The following PTPRD variants were observed in gnomAD, a reference collection of about 807,000 sequenced individuals.
The protein encoded by PTPRD is receptor-type tyrosine-protein phosphatase delta.
PTPRD carries 34 observed loss-of-function variants against 214.5 expected under a neutral mutation model. The observed-to-expected ratio is 0.16, with a 90% CI of 0.12 to 0.21. PTPRD has a LOEUF of 0.21. Ranked by LOEUF, PTPRD falls within the 10% of genes least tolerant of loss-of-function variation. The pLI is 1.00. For synonymous variants in PTPRD, 1,128 were observed against 845.7 expected (o/e 1.33, Z -5.79); for missense variants, 2,545 against 2,398.7 (o/e 1.06, Z -1.27).
chr9:9,563,633 G>A (rs2083528704), intron 8 of PTPRD, among the ~76,000 whole-genome samples: 1 of 152,022 alleles, frequency 6.6e-6, no homozygotes, highest in Non-Finnish European at 1.5e-5. Context: ...TTTATCCTTG[G>A]CTTTTATGCC....
rs189234775 is a variant in PTPRD, at chr9:8,977,112, G to A, written c.-104+41585C>T. Among the ~76,000 whole-genome samples, 49 of 152,150 alleles carry A rather than the reference G, an allele frequency of 3.2e-4. No individual in the cohort carries two copies. In the East Asian group the frequency reaches 8.5e-3, roughly 26 times the overall value. ...CAATGATCAGTTACCAAGTCCTGTCGATTCTGTGCTGGTAATATCTCTGAT... is the reference window on the plus strand; with the variant it reads ...CAATGATCAGTTACCAAGTCCTGTCAATTCTGTGCTGGTAATATCTCTGAT... On this transcript the variant is annotated intron_variant, in intron 11 of 45. Transcript: ENST00000381196.
chr9:9,684,691 A>G (rs2097137135), intron 7 of PTPRD, among the ~76,000 whole-genome samples: 1 of 149,236 alleles, frequency 6.7e-6, no homozygotes, highest in Non-Finnish European at 1.5e-5. Context: ...GAAATACAGC[A>G]TTTGTGTGTG....
At chr9:8,617,884 A>G (rs1304702356) in intron 14 of PTPRD, among the ~76,000 whole-genome samples, 2 of 152,120 alleles carry the variant, frequency 1.3e-5, no homozygotes, top group Non-Finnish European at 2.9e-5. Context: ...ACTCAATAGG[A>G]AACAACTAAC....
At chr9:8,586,695 T>C (rs563000042) in intron 14 of PTPRD, among the ~76,000 whole-genome samples, 2 of 152,344 alleles carry the variant, frequency 1.3e-5, no homozygotes, top group South Asian at 2.1e-4. Flanking sequence ...AGTCACTGTC[T>C]ATGCCTTTGG....
At chr9:9,243,209 G>A (rs938244038) in intron 9 of PTPRD, among the ~76,000 whole-genome samples, 1 of 151,972 alleles carries the variant, frequency 6.6e-6, no homozygotes, top group East Asian at 1.9e-4. Context: ...TTCTACCAGA[G>A]GTACAAGGAG....
At chr9:9,328,125 G>C (rs1294239800) in intron 9 of PTPRD, among the ~76,000 whole-genome samples, 2 of 152,076 alleles carry the variant, frequency 1.3e-5, no homozygotes, top group Non-Finnish European at 2.9e-5. Context: ...AGATTAAGTA[G>C]ATTTGAATCC....
At chr9:9,405,148 C>T (rs967187348) in intron 8 of PTPRD, among the ~76,000 whole-genome samples, 5 of 152,168 alleles carry the variant, frequency 3.3e-5, no homozygotes, top group South Asian at 4.1e-4. Context: ...CTAAAACTCA[C>T]AATTTCTTCA....
chr9:10,028,233 G>C (rs149390651), intron 4 of PTPRD, among the ~76,000 whole-genome samples: 2,380 of 152,250 alleles, frequency 0.016, 61 homozygotes, highest in African/African-American at 0.053. Flanking sequence ...CCATGATCGT[G>C]AGGCCTCCCC....
intron 10 of PTPRD, among the ~76,000 whole-genome samples, chr9:9,062,188 G>A (rs1340231158): frequency 6.6e-6 from 1 of 152,094 alleles, no homozygotes; most frequent in Non-Finnish European, 1.5e-5. Context: ...CTTGAATATA[G>A]TGTTACCAAA....
In PTPRD at chr9:9,355,437, A is replaced by AT. The variant is rs537281525; in HGVS notation, c.-203+42011dup. Among the ~76,000 whole-genome samples the AT allele has an allele frequency of 1.3e-4, 19 of 151,724 alleles. 1 individual carries two copies. The South Asian group carries it at 3.7e-3, about 30-fold the overall frequency. On this transcript the variant is annotated intron_variant, in intron 9 of 45. Transcript: ENST00000381196. ...TGTGTTGAAGATAGATCTTCATAGCATTTTTTATATATTGGAATGTCATGA... is the reference window on the plus strand; with the variant it reads ...TGTGTTGAAGATAGATCTTCATAGCATTTTTTTATATATTGGAATGTCATGA...
intron 2 of PTPRD, among the ~76,000 whole-genome samples, chr9:10,512,178 C>T (rs1013260819): frequency 0.021 from 77 of 3,658 alleles, no homozygotes; most frequent in Non-Finnish European, 0.091. Flanking sequence ...GATGTAGTTA[C>T]AAAAAAAGCT....
intron 4 of PTPRD, among the ~76,000 whole-genome samples, chr9:9,969,953 C>T (rs1048275485): frequency 6.6e-6 from 1 of 152,130 alleles, no homozygotes; most frequent in African/African-American, 2.4e-5. Context: ...GCTTTCTTAT[C>T]TCTGTCCACT....
chr9:9,883,560 A>G (rs2069597115), intron 5 of PTPRD, among the ~76,000 whole-genome samples: 1 of 152,154 alleles, frequency 6.6e-6, no homozygotes, highest in South Asian at 2.1e-4. Context: ...TTAATCAATT[A>G]TGAATTTTAA....
chr9:9,212,307 T>C (rs2099949286), intron 9 of PTPRD, among the ~76,000 whole-genome samples: 2 of 152,122 alleles, frequency 1.3e-5, no homozygotes, highest in South Asian at 2.1e-4. Context: ...ATAATATCAC[T>C]AATACACATC....
intron 18 of PTPRD, 154 bp downstream of exon 18, chr9:8,524,771 A>C (rs187257741): frequency 2.6e-6 from 2 of 772,128 alleles, no homozygotes; most frequent in Non-Finnish European, 2.3e-6. Flanking sequence ...CACATTTTAA[A>C]TTTTTAACTT....
rs186357957 is a variant in PTPRD at position 10,515,752 on chromosome 9, T to C, written c.-600+96646A>G. Among the ~76,000 whole-genome samples the C allele has an allele frequency of 5.3e-5, 8 of 152,034 alleles. No homozygotes were observed. The East Asian group carries it at 1.5e-3, about 29-fold the overall frequency. On this transcript the variant is annotated intron_variant, in intron 2 of 45. Transcript: ENST00000381196. ...TGAATAGTAACTCCCTATTTCTCTT[T>C]CACTCAGACCCCAGCAACCACCATG...
intron 14 of PTPRD, among the ~76,000 whole-genome samples, chr9:8,611,745 A>C (rs1044498684): frequency 6.9e-5 from 10 of 145,816 alleles, no homozygotes; most frequent in African/African-American, 2.7e-4. Flanking sequence ...AAAGAAAAGA[A>C]AAGAAAAGAG....
chr9:9,067,380 T>G (rs961686200), intron 10 of PTPRD, among the ~76,000 whole-genome samples: 1 of 152,262 alleles, frequency 6.6e-6, no homozygotes, highest in Non-Finnish European at 1.5e-5. Context: ...TTTACGTTTA[T>G]GCCTTTCTAA....
chr9:10,269,667 T>C (rs1233615610), intron 3 of PTPRD, among the ~76,000 whole-genome samples: 1 of 152,172 alleles, frequency 6.6e-6, no homozygotes, highest in East Asian at 1.9e-4. Flanking sequence ...GTTCAAGATA[T>C]AGTCCTTTAT....
Sources: allele counts gnomAD v4.1 joint callset (sites outside exome capture counted in the v4.1 genomes callset), GRCh38; gene constraint gnomAD v4.1.1; transcripts MANE v1.5; gene names NCBI Gene and HGNC (gene_info 2026-07-23, HGNC 2026-07-21).